The following TAFA2 variants were observed in gnomAD, a reference collection of about 807,000 sequenced individuals.
TAFA2 encodes chemokine-like protein TAFA-2.
Under a neutral mutation model 18.8 loss-of-function variants are expected in TAFA2, and 7 were observed. That is an observed-to-expected ratio of 0.37 (90% confidence interval 0.21 to 0.70). The LOEUF (loss-of-function observed/expected upper bound fraction) is 0.70. TAFA2 is among the 30% of genes least tolerant of loss of function. TAFA2 has a pLI of 0.53. For synonymous variants in TAFA2, 60 were observed against 54.2 expected (o/e 1.11, Z -0.47); for missense variants, 122 against 158.1 (o/e 0.77, Z 1.23).
intron 1 of TAFA2, among the ~76,000 whole-genome samples, chr12:62,010,790 C>T (rs1276189096): frequency 6.8e-6 from 1 of 147,626 alleles, no homozygotes; most frequent in Non-Finnish European, 1.5e-5. Flanking sequence ...GGCGCCTCTG[C>T]CCGGCCACCC....
chr12:61,947,310 G>C (rs934291732), intron 1 of TAFA2, among the ~76,000 whole-genome samples: 1 of 144,042 alleles, frequency 6.9e-6, no homozygotes. Context: ...ACTGTGGTGG[G>C]GAGGTGGGAG....
chr12:61,907,909 A>G (rs562954724), intron 1 of TAFA2, among the ~76,000 whole-genome samples: 2 of 152,288 alleles, frequency 1.3e-5, no homozygotes, highest in East Asian at 1.9e-4. Context: ...TTGGGCTTGC[A>G]TGAGGCCTGC....
At chr12:62,143,483 T>C (rs1190005665) in intron 1 of TAFA2, among the ~76,000 whole-genome samples, 1 of 152,148 alleles carries the variant, frequency 6.6e-6, no homozygotes, top group African/African-American at 2.4e-5. Context: ...CCAAGGACTA[T>C]CTAACTAAGA....
intron 1 of TAFA2, among the ~76,000 whole-genome samples, chr12:62,189,396 A>G (rs2062607269): frequency 6.6e-6 from 1 of 152,228 alleles, no homozygotes; most frequent in African/African-American, 2.4e-5. Flanking sequence ...GATGGCCTTT[A>G]AGTGGCTACT....
At chr12:61,815,135 T>C (rs958824019) in intron 2 of TAFA2, among the ~76,000 whole-genome samples, 4 of 151,464 alleles carry the variant, frequency 2.6e-5, no homozygotes, top group African/African-American at 7.4e-5. Context: ...AGAGTAGTCA[T>C]GGCAGAAATA....
Position 62,052,322 on chromosome 12 carries a change from T to G in TAFA2, c.-2+138937A>C, listed in dbSNP as rs190349524. Among the ~76,000 whole-genome samples, 3 of 152,276 alleles carry G rather than the reference T, an allele frequency of 2.0e-5. No homozygotes were observed. The East Asian group carries it at 5.8e-4, about 30-fold the overall frequency. On this transcript the variant is annotated intron_variant, in intron 1 of 4. Transcript: ENST00000416284. The stretch of plus-strand genomic sequence containing the variant: ...GATCCTCCAGCCTTAGCCTCTCAAG[T>G]AGCTGGACTACAGGTGCACGCCACC...
chr12:61,996,824 T>C (rs1230044391), intron 1 of TAFA2, among the ~76,000 whole-genome samples: 3 of 152,124 alleles, frequency 2.0e-5, no homozygotes, highest in Admixed American at 2.0e-4. Flanking sequence ...AAAGTCTATT[T>C]CTCTATTTTT....
At chr12:61,847,161 T>G (rs774833742) in intron 2 of TAFA2, among the ~76,000 whole-genome samples, 1 of 152,218 alleles carries the variant, frequency 6.6e-6, no homozygotes. Flanking sequence ...GAAGAACTTT[T>G]CTGTATTATC....
At chr12:61,869,356 T>G (rs1259905367) in intron 1 of TAFA2, among the ~76,000 whole-genome samples, 1 of 152,198 alleles carries the variant, frequency 6.6e-6, no homozygotes, top group Non-Finnish European at 1.5e-5. Context: ...TTAAATGAAA[T>G]AGTCTGTGTA....
chr12:62,178,948 CTGTA>C (rs2062533536), intron 1 of TAFA2, among the ~76,000 whole-genome samples: 1 of 152,152 alleles, frequency 6.6e-6, no homozygotes. Context: ...CATTCACTGT[CTGTA>C]TGATTTTTAC....
intron 1 of TAFA2, among the ~76,000 whole-genome samples, chr12:61,894,243 AAATAAC>A (rs1156301299): frequency 6.6e-6 from 1 of 152,236 alleles, no homozygotes; most frequent in Non-Finnish European, 1.5e-5. Context: ...AGACATTCCT[AAATAAC>A]ATTTCTCTTC....
intron 1 of TAFA2, among the ~76,000 whole-genome samples, chr12:62,078,727 C>A (rs1868275550): frequency 6.6e-6 from 1 of 152,232 alleles, no homozygotes; most frequent in Non-Finnish European, 1.5e-5. Flanking sequence ...CCTTATGCTC[C>A]TCCCTTGTCT....
intron 1 of TAFA2, among the ~76,000 whole-genome samples, chr12:61,938,317 G>T (rs1411442258): frequency 6.6e-6 from 1 of 151,174 alleles, no homozygotes; most frequent in Non-Finnish European, 1.5e-5. Context: ...ACAGTATGGA[G>T]ACTTCTTTTT....
intron 1 of TAFA2, among the ~76,000 whole-genome samples, chr12:61,965,529 T>C (rs947384391): frequency 3.9e-5 from 6 of 151,908 alleles, no homozygotes; most frequent in African/African-American, 1.2e-4. Flanking sequence ...ACTGGCAAGA[T>C]TGAGTCCTTG....
At chr12:62,110,516 T>C (rs1161151204) in intron 1 of TAFA2, among the ~76,000 whole-genome samples, 6 of 152,116 alleles carry the variant, frequency 3.9e-5, no homozygotes, top group Admixed American at 3.9e-4. Context: ...GAGGACTCCC[T>C]CTTTTTCTAT....
At chr12:61,838,818 T>C (rs1873046948) in intron 2 of TAFA2, among the ~76,000 whole-genome samples, 1 of 152,036 alleles carries the variant, frequency 6.6e-6, no homozygotes, top group African/African-American at 2.4e-5. Context: ...GAAAACGTTA[T>C]TAAAAGGTAT....
At chr12:62,014,469 A>C (rs1880865562) in intron 1 of TAFA2, among the ~76,000 whole-genome samples, 1 of 152,046 alleles carries the variant, frequency 6.6e-6, no homozygotes, top group Non-Finnish European at 1.5e-5. Flanking sequence ...TCTCTACAAA[A>C]AAAAATACAA....
chr12:61,760,263 A>G lies in TAFA2; in HGVS notation c.107-5239T>C, dbSNP rs187121437. On this transcript the variant is annotated intron_variant, in intron 2 of 4. Transcript: ENST00000416284. ...AAAATAGAATAGATGATAGATACAG[A>G]TAGCTAAATATATAAATGAAATAGA... 4.1e-3 allele frequency among the ~76,000 whole-genome samples: 612 copies of G among 150,830 alleles called. 2 individuals carry two copies. The highest frequency in any genetic ancestry group is 0.014 in the African/African-American group (575 of 41,036).
chr12:61,995,323 CT>C (rs1244987675), intron 1 of TAFA2, among the ~76,000 whole-genome samples: 3 of 152,190 alleles, frequency 2.0e-5, no homozygotes, highest in African/African-American at 4.8e-5. Context: ...CTTCTCCCAT[CT>C]CCACATGACT....
Sources: gnomAD v4.1 joint callset for allele counts (sites outside exome capture counted in the v4.1 genomes callset) on GRCh38, gnomAD v4.1.1 for gene constraint, MANE v1.5 for transcripts, NCBI Gene and HGNC (gene_info 2026-07-23, HGNC 2026-07-21) for gene names.